Variants in LIPC observed in about 807,000 individuals in gnomAD.
LIPC encodes the protein lipase C, hepatic type, also known as hepatic triacylglycerol lipase.
A neutral mutation model predicts 50.7 loss-of-function variants in LIPC; 44 were observed. That is an observed-to-expected ratio of 0.87 (90% CI 0.68 to 1.11). The LOEUF is 1.11. Ranked by LOEUF, LIPC falls within the 50% of genes most tolerant of loss-of-function variation. The pLI is 0.00. For synonymous variants in LIPC, 271 were observed against 256.4 expected (o/e 1.06, Z -0.54); for missense variants, 697 against 648.2 (o/e 1.08, Z -0.82).
chr15:58,437,019 G>A (rs939819729), intron 1 of LIPC: 1 of 372,818 alleles, frequency 2.7e-6, no homozygotes, highest in Admixed American at 3.3e-5. Context: ...AACCACTGAA[G>A]TTGGGGACTC....
chr15:58,468,525 C>G (rs1894659107), intron 1 of LIPC, among the ~76,000 whole-genome samples: 1 of 152,114 alleles, frequency 6.6e-6, no homozygotes, highest in Non-Finnish European at 1.5e-5. Context: ...TGGATCTAGC[C>G]CTGCCGCCCA....
At chr15:58,481,146 A>C (rs562409294) in intron 1 of LIPC, among the ~76,000 whole-genome samples, 1 of 152,316 alleles carries the variant, frequency 6.6e-6, no homozygotes, top group Admixed American at 6.5e-5. Flanking sequence ...TGTCTTCTGT[A>C]GAAAGTTTGC....
At chr15:58,527,699 T>G (rs1205517880) in intron 1 of LIPC, among the ~76,000 whole-genome samples, 1 of 152,246 alleles carries the variant, frequency 6.6e-6, no homozygotes, top group Non-Finnish European at 1.5e-5. Context: ...AAGCATGGTC[T>G]GTCTTATTCA....
intron 1 of LIPC, among the ~76,000 whole-genome samples, chr15:58,502,528 T>G (rs1892020930): frequency 6.6e-6 from 1 of 151,110 alleles, no homozygotes; most frequent in African/African-American, 2.4e-5. Flanking sequence ...TTTTTGTTTG[T>G]TTTTATGAAA....
In LIPC at chr15:58,544,420, G is replaced by C. The variant is rs1387046628; in HGVS notation, c.575-1322G>C. Reference sequence around the variant, plus strand: ...CTTTTTTTTTTTTTTTTTTGAGACAGAGTCTCATTCTGTTGCCCAGGCTAC... The same window carrying C: ...CTTTTTTTTTTTTTTTTTTGAGACACAGTCTCATTCTGTTGCCCAGGCTAC... On this transcript the variant is annotated intron_variant, in intron 4 of 8. Transcript: ENST00000299022. 5.7e-5 allele frequency among the ~76,000 whole-genome samples: 6 copies of C among 104,812 alleles called. No individual in the cohort carries two copies. In the East Asian group the frequency reaches 1.7e-3, roughly 30 times the overall value. The allele number at this position is 104,812 out of a possible 152,430, so 68.8% of individuals were successfully genotyped here.
At chr15:58,501,965 C>T (rs1424753835) in intron 1 of LIPC, among the ~76,000 whole-genome samples, 3 of 152,130 alleles carry the variant, frequency 2.0e-5, no homozygotes, top group Non-Finnish European at 4.4e-5. Flanking sequence ...GAGTGAAATT[C>T]CAGCTCACCC....
At chr15:58,503,202 A>C (rs1053812160) in intron 1 of LIPC, among the ~76,000 whole-genome samples, 7 of 152,176 alleles carry the variant, frequency 4.6e-5, no homozygotes, top group African/African-American at 1.7e-4. Context: ...AGAAAAGTTA[A>C]CTTTCCCAGA....
At chr15:58,537,823 G>T (rs1186342497) in intron 1 of LIPC, among the ~76,000 whole-genome samples, 1 of 152,052 alleles carries the variant, frequency 6.6e-6, no homozygotes, top group Admixed American at 6.5e-5. Flanking sequence ...GTCCCTGCAA[G>T]GCTTACCTGA....
At chr15:58,471,483 C>T (rs1890805400) in intron 1 of LIPC, among the ~76,000 whole-genome samples, 1 of 152,102 alleles carries the variant, frequency 6.6e-6, no homozygotes, top group South Asian at 2.1e-4. Flanking sequence ...GGATTCTATT[C>T]CATCAGGAAT....
chr15:58,451,533 C>T (rs1257202852), intron 1 of LIPC, among the ~76,000 whole-genome samples: 3 of 152,164 alleles, frequency 2.0e-5, no homozygotes, highest in Admixed American at 1.3e-4. Context: ...ACCTATGGCA[C>T]ATGTTCCAGA....
intron 1 of LIPC, among the ~76,000 whole-genome samples, chr15:58,524,302 C>T (rs534243027): frequency 6.6e-6 from 1 of 152,320 alleles, no homozygotes; most frequent in South Asian, 2.1e-4. Flanking sequence ...GCAAAGTATT[C>T]CATTGAGGGA....
chr15:58,467,692 T>C (rs182582844), intron 1 of LIPC, among the ~76,000 whole-genome samples: 87 of 152,342 alleles, frequency 5.7e-4, no homozygotes, highest in African/African-American at 1.9e-3. Flanking sequence ...AAATGAGTCC[T>C]TGATGTTCTA....
chr15:58,529,211 G>A (rs917772134), intron 1 of LIPC, among the ~76,000 whole-genome samples: 45 of 152,328 alleles, frequency 3.0e-4, no homozygotes, highest in African/African-American at 7.0e-4. Flanking sequence ...TCAAAACAGC[G>A]CTTGGCAACT....
Position 58,541,837 on chromosome 15 carries a change from C to G in LIPC, c.326C>G (p.Ser109Cys). 4 of 1,613,144 alleles carry G rather than the reference C, an allele frequency of 2.5e-6. No individual in the cohort carries two copies. The highest frequency in any genetic ancestry group is 3.4e-6 in the Non-Finnish European group (4 of 1,179,952). The change falls in exon 3 of 9, where the codon TCT (serine) becomes TGT (cysteine). Residue 109 changes from serine to cysteine, a missense_variant. Transcript: ENST00000299022. ...TGGCAGATGGTGGCCGCGCTGAAGT[C>G]TCAGCCGGCCCAGCCAGTGAACGTG... is the stretch of plus-strand genomic sequence containing the variant. ...WIWQMVAALK[S>C]QPAQPVNVGL...
chr15:58,432,066 T>G lies in LIPC; in HGVS notation c.34T>G (p.Leu12Val), dbSNP rs1893141968. ...DTSPLCFSIL[L>V]VLCIFIQSSA... ...AAGTCCCCTGTGTTTCTCCATTCTG[T>G]TGGTTTTATGCATCTTTATCCAATC... Residue 12 changes from leucine (L) to valine (V), a missense_variant, in exon 1 of 9, where the codon TTG becomes GTG. Physicochemically the swap from Leu to Val is conservative, Grantham distance 32. Coordinates refer to ENST00000299022, the MANE Select transcript of LIPC (RefSeq NM_000236.3). The G allele has an allele frequency of 1.2e-6, 2 of 1,614,038 alleles. No individual in the cohort carries two copies. The highest frequency in any genetic ancestry group is 8.5e-7 in the Non-Finnish European group (1 of 1,179,994).
chr15:58,443,339 G>T (rs1893569933), intron 1 of LIPC, among the ~76,000 whole-genome samples: 1 of 152,146 alleles, frequency 6.6e-6, no homozygotes, highest in South Asian at 2.1e-4. Flanking sequence ...AGCCTCAGTG[G>T]CCCAAGGGGA....
rs765515473 is a variant in LIPC at position 58,542,582 on chromosome 15, C to T, written c.505C>T (p.Leu169=). ...RSHVHLIGYS[L]GAHVSGFAGS... ...CCATGTTCACCTAATTGGGTACAGC[C>T]TGGGTGCACACGTGTCAGGATTTGC... Residue 169 remains leucine, a synonymous_variant, in exon 4 of 9, where the codon CTG becomes TTG. Transcript: ENST00000299022. 5 of 1,613,946 alleles carry T rather than the reference C, an allele frequency of 3.1e-6. No homozygotes were observed. The highest frequency in any genetic ancestry group is 2.2e-5 in the East Asian group (1 of 44,872).
intron 1 of LIPC, among the ~76,000 whole-genome samples, chr15:58,484,736 C>T (rs1891309947): frequency 6.6e-6 from 1 of 151,626 alleles, no homozygotes; most frequent in Non-Finnish European, 1.5e-5. Context: ...CACTGCCTCA[C>T]AACACACTTT....
chr15:58,495,174 A>C (rs1267977730), intron 1 of LIPC, among the ~76,000 whole-genome samples: 1 of 152,206 alleles, frequency 6.6e-6, no homozygotes, highest in East Asian at 1.9e-4. Context: ...TGGGGTGCTG[A>C]TCCCGACTCT....
Sources: gnomAD v4.1 joint callset for allele counts (sites outside exome capture counted in the v4.1 genomes callset) on GRCh38, gnomAD v4.1.1 for gene constraint, MANE v1.5 for transcripts, NCBI Gene and HGNC (gene_info 2026-07-23, HGNC 2026-07-21) for gene names.